BICRAL: variants seen among roughly 807,000 people sequenced by gnomAD.
The protein encoded by BICRAL is BICRA like chromatin remodeling complex associated protein, also known as BRD4-interacting chromatin-remodeling complex-associated protein-like.
In BICRAL, 8 loss-of-function variants were observed where a neutral mutation model predicts 91.8. That is an observed-to-expected ratio of 0.09 (90% CI 0.05 to 0.16). The LOEUF is 0.16. Ranked by LOEUF, BICRAL falls within the 10% of genes least tolerant of loss-of-function variation. The pLI is 1.00. For synonymous variants in BICRAL, 445 were observed against 491.1 expected, an observed-to-expected ratio of 0.91 and a Z score of 1.24; for missense variants, 1,038 against 1,310.9, an observed-to-expected ratio of 0.79 and a Z score of 3.21.
chr6:42,832,398 T>C (rs990570574), intron 6 of BICRAL, among the ~76,000 whole-genome samples: 46 of 147,198 alleles, frequency 3.1e-4, no homozygotes, highest in East Asian at 7.9e-4. Flanking sequence ...TATATATATA[T>C]ACATATATAT....
intron 1 of BICRAL, among the ~76,000 whole-genome samples, chr6:42,767,281 T>A (rs555402764): frequency 4.6e-5 from 7 of 152,308 alleles, no homozygotes; most frequent in Admixed American, 3.3e-4. Context: ...CTTTTTTTTG[T>A]TTTCTATTTA....
At chr6:42,751,116 C>G (rs940624761) in intron 1 of BICRAL, among the ~76,000 whole-genome samples, 1 of 149,730 alleles carries the variant, frequency 6.7e-6, no homozygotes, top group Non-Finnish European at 1.5e-5. Flanking sequence ...CAAACAAGTT[C>G]CATACACTGC....
In BICRAL at chr6:42,862,497, C is replaced by T; in HGVS notation, c.2350-13C>T. ...AAATTGTCTATGAAATGACTGGCCT[C>T]TCTCTTTTTCAGCGAATCAATCCCT... On this transcript the variant is annotated splice_polypyrimidine_tract_variant and intron_variant, in intron 11 of 12. Transcript: ENST00000314073. The T allele has an allele frequency of 1.3e-6, 2 of 1,542,790 alleles. No individual in the cohort carries two copies. Among genetic ancestry groups the T allele is most frequent in the Non-Finnish European group, 1.8e-6 (2 of 1,117,874 alleles).
chr6:42,748,437 G>T (rs1298658542), intron 1 of BICRAL, among the ~76,000 whole-genome samples: 1 of 152,182 alleles, frequency 6.6e-6, no homozygotes, highest in East Asian at 1.9e-4. Context: ...TATGGGTGTT[G>T]TAAGTGTTGG....
intron 1 of BICRAL, among the ~76,000 whole-genome samples, chr6:42,747,806 T>G (rs1312273795): frequency 5.0e-5 from 4 of 80,310 alleles, no homozygotes; most frequent in African/African-American, 9.4e-5. Flanking sequence ...TTTTATTTTG[T>G]TTTTTTTTTT....
intron 6 of BICRAL, among the ~76,000 whole-genome samples, chr6:42,845,195 GTTTTTTTTTTTTTTTTTTTTTTTTTTTT>G (rs748804344): frequency 0.013 from 333 of 25,604 alleles, 2 homozygotes; most frequent in African/African-American, 0.026. Flanking sequence ...TTTTTTGGGT[GTTTTTTTTTTTTTTTTTTTTTTTTTTTT>G]TTTTTTTTTT....
intron 1 of BICRAL, among the ~76,000 whole-genome samples, chr6:42,809,704 G>A (rs1008728074): frequency 2.0e-4 from 31 of 151,756 alleles, no homozygotes; most frequent in Non-Finnish European, 3.7e-4. Flanking sequence ...TCCAACTCCC[G>A]AGCTCAACCG....
chr6:42,776,706 T>C (rs1198225217), intron 1 of BICRAL, among the ~76,000 whole-genome samples: 1 of 152,174 alleles, frequency 6.6e-6, no homozygotes, highest in Non-Finnish European at 1.5e-5. Flanking sequence ...ACCTGAGATA[T>C]AGGTTATTAC....
At position 42,865,266 on chromosome 6, in the gene BICRAL, G is replaced by A. The variant is rs866884075; in HGVS notation, c.3060G>A (p.Ala1020=). 8.7e-6 allele frequency: 14 copies of A among 1,614,004 alleles called. No homozygotes were observed. The highest frequency in any genetic ancestry group is 4.0e-5 in the African/African-American group (3 of 74,912). ...TFKNILELKK[A]GRQPQSDPTV... ...AGAACATCTTGGAACTCAAAAAGGC[G>A]GGACGGCAGCCCCAGAGTGACCCCA... The change falls in exon 13 of 13, where the codon GCG becomes GCA. Residue 1020 remains alanine, a synonymous_variant. Coordinates refer to ENST00000314073, the MANE Select transcript of BICRAL (RefSeq NM_001393499.1).
chr6:42,814,519 A>ATATATATAT (rs1237976324), intron 2 of BICRAL, among the ~76,000 whole-genome samples: 3 of 80,236 alleles, frequency 3.7e-5, no homozygotes, highest in African/African-American at 2.0e-4. Context: ...ATATATATAT[A>ATATATATAT]TTTTTTTTTT....
In BICRAL at chr6:42,747,809, T is replaced by G. The variant is rs1195336509; in HGVS notation, c.-261+786T>G. 3.4e-4 allele frequency among the ~76,000 whole-genome samples: 50 copies of G among 145,126 alleles called. 3 individuals are homozygous for G. The East Asian group carries it at 4.3e-3, about 12-fold the overall frequency. ...TTTGCTTTTTTGTTTTATTTTGTTT[T>G]TTTTTTTTTTTTTTGAGACGGAGTT... On this transcript the variant is annotated intron_variant, in intron 1 of 14. Coordinates refer to the BICRAL transcript ENST00000614467.
intron 6 of BICRAL, among the ~76,000 whole-genome samples, chr6:42,848,774 G>A (rs1277008219): frequency 6.6e-6 from 1 of 152,242 alleles, no homozygotes; most frequent in African/African-American, 2.4e-5. Flanking sequence ...CCAGGATGCA[G>A]AGGTTGCAGT....
At chr6:42,858,044 C>G (rs1765440687) in intron 10 of BICRAL, among the ~76,000 whole-genome samples, 1 of 148,674 alleles carries the variant, frequency 6.7e-6, no homozygotes, top group Admixed American at 6.8e-5. Flanking sequence ...CTCCTGACCT[C>G]AGGTGATTGG....
intron 1 of BICRAL, among the ~76,000 whole-genome samples, chr6:42,791,045 T>C (rs1417666387): frequency 6.6e-6 from 1 of 152,040 alleles, no homozygotes; most frequent in Non-Finnish European, 1.5e-5. Context: ...GGGGGTGGCC[T>C]GCCCTTTTGT....
At position 42,770,410 on chromosome 6, in the gene BICRAL, TTA is replaced by T. The variant is rs1415813066; in HGVS notation, c.-260-11427_-260-11426del. Among the ~76,000 whole-genome samples the T allele has an allele frequency of 2.8e-4, 37 of 130,864 alleles. 1 individual carries two copies. The highest frequency in any genetic ancestry group is 9.5e-4 in the South Asian group (4 of 4,200). The allele number at this position is 130,864 out of a possible 152,430, so 85.9% of individuals were successfully genotyped here. A position where few individuals can be genotyped will look rare whatever the true frequency, so the allele number is the denominator to read the frequency against. On this transcript the variant is annotated intron_variant, in intron 1 of 14. Coordinates refer to the BICRAL transcript ENST00000614467. ...TGCCCGGCTAATTTTATTATTATTATTATTTTTTTTTTTTTTTTTTTGAGACG... is the reference window on the plus strand; with the variant it reads ...TGCCCGGCTAATTTTATTATTATTATTTTTTTTTTTTTTTTTTTTGAGACG...
chr6:42,783,986 G>T (rs1364876812), intron 1 of BICRAL, among the ~76,000 whole-genome samples: 2 of 152,102 alleles, frequency 1.3e-5, no homozygotes, highest in African/African-American at 4.8e-5. Flanking sequence ...AAGAGTCCAG[G>T]ACATTGTCTG....
At chr6:42,822,667 G>A (rs1415340912) in intron 3 of BICRAL, 129 bp from the exon 4 acceptor site, 1 of 526,526 alleles carries the variant, frequency 1.9e-6, no homozygotes, top group Non-Finnish European at 3.4e-6. Context: ...CCTACTAATA[G>A]TTTTAAAATA....
chr6:42,789,614 C>T (rs1763208139), intron 1 of BICRAL, among the ~76,000 whole-genome samples: 1 of 149,336 alleles, frequency 6.7e-6, no homozygotes, highest in African/African-American at 2.5e-5. Flanking sequence ...TGCACTCCAG[C>T]CTGGGTGACA....
intron 6 of BICRAL, among the ~76,000 whole-genome samples, chr6:42,834,050 C>T (rs1764574836): frequency 6.6e-6 from 1 of 152,078 alleles, no homozygotes; most frequent in Non-Finnish European, 1.5e-5. Flanking sequence ...GACGTGGTTT[C>T]TCCATGTTGG....
Sources: gnomAD v4.1 joint callset for allele counts (sites outside exome capture counted in the v4.1 genomes callset) on GRCh38, gnomAD v4.1.1 for gene constraint, MANE v1.5 for transcripts, NCBI Gene and HGNC (gene_info 2026-07-23, HGNC 2026-07-21) for gene names.